The following RABGAP1L variants were observed in gnomAD, a reference collection of about 807,000 sequenced individuals.
RABGAP1L encodes RAB GTPase activating protein 1 like, also known as rab GTPase-activating protein 1-like.
Under a neutral mutation model 137.7 loss-of-function variants are expected in RABGAP1L, and 63 were observed. The ratio of observed to expected loss-of-function variants is 0.46; its 90% CI spans 0.37 to 0.56. The LOEUF (loss-of-function observed/expected upper bound fraction) is 0.56, where lower values mean the gene tolerates loss of function less well. RABGAP1L is among the 20% of genes least tolerant of loss of function. RABGAP1L has a pLI of 0.00. For synonymous variants in RABGAP1L, 431 were observed against 433.7 expected, an observed-to-expected ratio of 0.99 and a Z score of 0.08; for missense variants, 1,095 against 1,244.0, an observed-to-expected ratio of 0.88 and a Z score of 1.80.
intron 13 of RABGAP1L, chr1:174,548,209 GAGAA>G (rs1666176408): frequency 1.4e-6 from 2 of 1,429,882 alleles, no homozygotes; most frequent in African/African-American, 2.9e-5. Context: ...AGGTAATTAA[GAGAA>G]AGCATAATCT....
At chr1:174,518,349 T>C (rs111915927) in intron 13 of RABGAP1L, among the ~76,000 whole-genome samples, 2,505 of 152,284 alleles carry the variant, frequency 0.016, 70 homozygotes, top group African/African-American at 0.058. Flanking sequence ...TCAAGTCTCT[T>C]ATATTAAATG....
At chr1:174,284,894 T>C (rs1457954691) in intron 10 of RABGAP1L, among the ~76,000 whole-genome samples, 1 of 152,072 alleles carries the variant, frequency 6.6e-6, no homozygotes, top group African/African-American at 2.4e-5. Flanking sequence ...GGGATCACAT[T>C]GAATCTATAG....
At chr1:174,220,929 A>C (rs1051603419) in intron 2 of RABGAP1L, 43 bp from the exon 3 acceptor site, 1 of 1,460,976 alleles carries the variant, frequency 6.8e-7, no homozygotes, top group Admixed American at 2.3e-5. Flanking sequence ...TAGCTTCAGA[A>C]CTATGGTAGA....
intron 11 of RABGAP1L, among the ~76,000 whole-genome samples, chr1:174,338,344 A>G (rs1007205330): frequency 6.6e-6 from 1 of 152,198 alleles, no homozygotes; most frequent in Non-Finnish European, 1.5e-5. Context: ...GGCAATTGAC[A>G]GCATTCAACG....
At chr1:174,583,830 G>A (rs115995269) in intron 13 of RABGAP1L, among the ~76,000 whole-genome samples, 1,764 of 152,246 alleles carry the variant, frequency 0.012, 37 homozygotes, top group African/African-American at 0.041. Context: ...TATGTGTCAG[G>A]TGCTATGATT....
intron 10 of RABGAP1L, among the ~76,000 whole-genome samples, chr1:174,298,925 T>G (rs1677389476): frequency 6.6e-6 from 1 of 152,234 alleles, no homozygotes; most frequent in Non-Finnish European, 1.5e-5. Context: ...AATTGCTGGT[T>G]AGTTCACAGG....
chr1:174,983,248 G>A (rs1157742175), intron 24 of RABGAP1L, among the ~76,000 whole-genome samples: 1 of 152,008 alleles, frequency 6.6e-6, no homozygotes, highest in African/African-American at 2.4e-5. Context: ...TGTGGCTTCA[G>A]TATGGGACTC....
chr1:174,447,615 ACAGTTT>A (rs1363540792), intron 13 of RABGAP1L, among the ~76,000 whole-genome samples: 2 of 152,170 alleles, frequency 1.3e-5, no homozygotes, highest in African/African-American at 4.8e-5. Flanking sequence ...GAAGCCTGAG[ACAGTTT>A]CAGAGTTTTT....
chr1:174,313,496 C>G (rs1367939777), intron 11 of RABGAP1L, among the ~76,000 whole-genome samples: 1 of 152,106 alleles, frequency 6.6e-6, no homozygotes, highest in African/African-American at 2.4e-5. Context: ...ACTTGCAGTA[C>G]TGTGTTGATT....
intron 10 of RABGAP1L, among the ~76,000 whole-genome samples, chr1:174,281,068 A>G (rs1011222304): frequency 1.3e-5 from 2 of 152,126 alleles, no homozygotes; most frequent in African/African-American, 4.8e-5. Context: ...TCAGGAGTGA[A>G]GCTGCAGACC....
intron 13 of RABGAP1L, among the ~76,000 whole-genome samples, chr1:174,478,653 A>G (rs749805415): frequency 1.1e-4 from 16 of 152,158 alleles, no homozygotes; most frequent in Admixed American, 6.5e-4. Flanking sequence ...GCATTCATAC[A>G]TGGGGAAAAT....
chr1:174,294,481 T>C (rs1483130305), intron 10 of RABGAP1L, among the ~76,000 whole-genome samples: 1 of 152,168 alleles, frequency 6.6e-6, no homozygotes, highest in Admixed American at 6.6e-5. Flanking sequence ...GGGTGGGCAA[T>C]TACTCTGAAC....
intron 17 of RABGAP1L, among the ~76,000 whole-genome samples, chr1:174,741,022 C>T (rs1174631025): frequency 1.3e-5 from 2 of 148,216 alleles, no homozygotes; most frequent in Non-Finnish European, 3.0e-5. Flanking sequence ...GTTGTCTCTT[C>T]ACTCTGTTGA....
At chr1:174,621,946 T>C (rs1350751750) in intron 13 of RABGAP1L, among the ~76,000 whole-genome samples, 7 of 152,098 alleles carry the variant, frequency 4.6e-5, no homozygotes, top group African/African-American at 9.7e-5. Context: ...ATTTTTGCCA[T>C]CTACTCATCT....
chr1:174,710,696 A>G (rs1572883965), intron 17 of RABGAP1L, among the ~76,000 whole-genome samples: 1 of 152,190 alleles, frequency 6.6e-6, no homozygotes, highest in South Asian at 2.1e-4. Flanking sequence ...TGGAAAGACC[A>G]GTACCAGCCA....
intron 17 of RABGAP1L, among the ~76,000 whole-genome samples, chr1:174,738,126 A>G (rs942097995): frequency 3.3e-5 from 5 of 152,148 alleles, no homozygotes; most frequent in Admixed American, 6.5e-5. Context: ...GGAAGTTAGG[A>G]GATGTTTCAA....
chr1:174,241,018 A>AT (rs1671769472), intron 4 of RABGAP1L, among the ~76,000 whole-genome samples: 1 of 151,812 alleles, frequency 6.6e-6, no homozygotes, highest in South Asian at 2.1e-4. Flanking sequence ...TATTTTTGTG[A>AT]TTTTTAAGAT....
chr1:174,818,191 G>A (rs1690638217), intron 19 of RABGAP1L, among the ~76,000 whole-genome samples: 3 of 152,208 alleles, frequency 2.0e-5, no homozygotes, highest in African/African-American at 7.2e-5. Flanking sequence ...ACAATGAGCA[G>A]AGAGAAGGGT....
intron 11 of RABGAP1L, among the ~76,000 whole-genome samples, chr1:174,357,406 C>T (rs1480482616): frequency 6.6e-6 from 1 of 152,106 alleles, no homozygotes; most frequent in Admixed American, 6.5e-5. Flanking sequence ...AAATAAAGCA[C>T]TAATAAAAAA....
Sources: allele counts gnomAD v4.1 joint callset (sites outside exome capture counted in the v4.1 genomes callset), GRCh38; gene constraint gnomAD v4.1.1; transcripts MANE v1.5; gene names NCBI Gene and HGNC (gene_info 2026-07-23, HGNC 2026-07-21).